ASXL2: variants seen among roughly 807,000 people sequenced by gnomAD.
ASXL2 encodes the protein putative Polycomb group protein ASXL2.
ASXL2 carries 23 observed loss-of-function variants against 122.0 expected under a neutral mutation model. That is an observed-to-expected ratio of 0.19 (90% CI 0.14 to 0.27). The LOEUF is 0.27. ASXL2 is among the 10% of genes least tolerant of loss of function. The probability of loss-of-function intolerance (pLI) is 1.00; values close to 1 mark genes in which losing one functional copy is unlikely to be tolerated. For missense variants in ASXL2, 1,518 were observed against 1,713.8 expected (o/e 0.89, Z 2.02); for synonymous variants, 650 against 637.0 (o/e 1.02, Z -0.31).
chr2:25,834,315 T>G (rs2089484661), intron 3 of ASXL2, among the ~76,000 whole-genome samples: 2 of 151,970 alleles, frequency 1.3e-5, no homozygotes, highest in Admixed American at 1.3e-4. Context: ...ACCATGCCAC[T>G]CCACTCCAGC....
At chr2:25,765,775 G>A (rs536738505) in intron 8 of ASXL2, among the ~76,000 whole-genome samples, 5 of 151,972 alleles carry the variant, frequency 3.3e-5, no homozygotes, top group African/African-American at 4.8e-5. Context: ...TAGAATATGC[G>A]CTCCATGAGG....
At chr2:25,768,516 C>T (rs2088391413) in intron 7 of ASXL2, among the ~76,000 whole-genome samples, 1 of 152,128 alleles carries the variant, frequency 6.6e-6, no homozygotes, top group Admixed American at 6.6e-5. Flanking sequence ...TTTGCCCAGG[C>T]TGGTCTTGAA....
At chr2:25,842,142 A>C (rs907418081) in intron 2 of ASXL2, among the ~76,000 whole-genome samples, 16 of 151,904 alleles carry the variant, frequency 1.1e-4, no homozygotes, top group African/African-American at 3.9e-4. Context: ...AAAAGAAAAG[A>C]ACACAGAACA....
intron 8 of ASXL2, among the ~76,000 whole-genome samples, chr2:25,763,262 G>A (rs867862018): frequency 8.6e-5 from 13 of 152,008 alleles, no homozygotes; most frequent in East Asian, 1.9e-4. Flanking sequence ...AGGCTGAGGC[G>A]GGCGGTATCA....
Position 25,740,291 on chromosome 2 carries a change from A to C in ASXL2, c.*1738T>G. ...TGTGTGATGTGGGGGTGGGGTGGGCAGTGGTGGGTAGTAGAATGGGGGCAA... is the reference window on the plus strand; with the variant it reads ...TGTGTGATGTGGGGGTGGGGTGGGCCGTGGTGGGTAGTAGAATGGGGGCAA... On this transcript the variant is annotated 3_prime_UTR_variant, in exon 13 of 13. Transcript: ENST00000435504. 4.8e-6 allele frequency: 1 copy of C among 207,868 alleles called. No individual in the cohort carries two copies. Among genetic ancestry groups the C allele is most frequent in the Non-Finnish European group, 9.8e-6 (1 of 102,364 alleles). The allele number at this position is 207,868 out of a possible 1,614,324, so 12.9% of individuals were successfully genotyped here.
At chr2:25,781,026 G>A (rs2088625677) in intron 5 of ASXL2, among the ~76,000 whole-genome samples, 1 of 145,196 alleles carries the variant, frequency 6.9e-6, no homozygotes, top group South Asian at 2.2e-4. Context: ...GGAGCTTACA[G>A]TGAGCCGAGA....
chr2:25,878,157 C>G lies in ASXL2; in HGVS notation c.57+9G>C. 1 of 1,613,896 alleles carries G rather than the reference C, an allele frequency of 6.2e-7. No individual in the cohort carries two copies. Among genetic ancestry groups the G allele is most frequent in the Non-Finnish European group, 8.5e-7 (1 of 1,179,836 alleles). On this transcript the variant is annotated intron_variant, in intron 1 of 12. Coordinates refer to ENST00000435504, the MANE Select transcript of ASXL2 (RefSeq NM_018263.6). The stretch of plus-strand genomic sequence containing the variant: ...CTCCCGGCCTTCCCCTTCGCTCCCT[C>G]CCCCTTACCGTCTTGGCGGCCTCCG...
chr2:25,863,714 C>CA (rs1431823508), intron 1 of ASXL2, among the ~76,000 whole-genome samples: 2 of 148,056 alleles, frequency 1.4e-5, no homozygotes, highest in African/African-American at 2.5e-5. Flanking sequence ...CAAAACAAAA[C>CA]AAAAAAACAG....
At chr2:25,811,619 A>C (rs765755464) in intron 3 of ASXL2, among the ~76,000 whole-genome samples, 2 of 152,210 alleles carry the variant, frequency 1.3e-5, no homozygotes, top group African/African-American at 4.8e-5. Context: ...AATAGTGGTT[A>C]TAAAAAGGCA....
At position 25,778,744 on chromosome 2, in the gene ASXL2, T is replaced by C. The variant is rs77758127; in HGVS notation, c.404-7204A>G. Among the ~76,000 whole-genome samples, 144 of 152,334 alleles carry C rather than the reference T, an allele frequency of 9.5e-4. No homozygotes were observed. The East Asian group carries it at 0.023, about 25-fold the overall frequency. On this transcript the variant is annotated intron_variant, in intron 5 of 12. Transcript: ENST00000435504. ...TGTCTTGGGAACATGGCTCCACCCA[T>C]ATGTGACAGCTTTTTTACAACCTGT...
chr2:25,803,149 G>C (rs112799952), intron 4 of ASXL2, among the ~76,000 whole-genome samples: 4,435 of 151,936 alleles, frequency 0.029, 197 homozygotes, highest in African/African-American at 0.094. Context: ...ATGAATGAAT[G>C]AATGAATGAA....
At chr2:25,871,298 GA>G (rs1417580343) in intron 1 of ASXL2, among the ~76,000 whole-genome samples, 5 of 152,062 alleles carry the variant, frequency 3.3e-5, no homozygotes, top group Non-Finnish European at 7.4e-5. Flanking sequence ...TAGAGGGGGG[GA>G]AAAATGTCCC....
intron 5 of ASXL2, among the ~76,000 whole-genome samples, chr2:25,784,108 G>A (rs1317227102): frequency 6.8e-6 from 1 of 147,772 alleles, no homozygotes; most frequent in Non-Finnish European, 1.5e-5. Flanking sequence ...TATAAAGTTA[G>A]CCAGGTGCGG....
intron 12 of ASXL2, among the ~76,000 whole-genome samples, chr2:25,748,548 T>C (rs2087981014): frequency 6.6e-6 from 1 of 151,862 alleles, no homozygotes; most frequent in African/African-American, 2.4e-5. Flanking sequence ...TTCTGGTAAG[T>C]GAATCTTTCC....
At chr2:25,807,310 C>G (rs1455739945) in intron 3 of ASXL2, among the ~76,000 whole-genome samples, 2 of 152,170 alleles carry the variant, frequency 1.3e-5, no homozygotes, top group East Asian at 3.8e-4. Context: ...GATTCTTAGT[C>G]TATCTAAGGA....
intron 8 of ASXL2, among the ~76,000 whole-genome samples, chr2:25,765,105 A>G (rs1021802996): frequency 6.6e-6 from 1 of 152,216 alleles, no homozygotes; most frequent in Admixed American, 6.5e-5. Flanking sequence ...AATGATACCA[A>G]TGTCAGCTAG....
chr2:25,864,566 CAT>C (rs1491157362), intron 1 of ASXL2, among the ~76,000 whole-genome samples: 1 of 151,860 alleles, frequency 6.6e-6, no homozygotes, highest in Non-Finnish European at 1.5e-5. Context: ...AAAGGAAGAA[CAT>C]GTTTTGAAAA....
Position 25,741,402 on chromosome 2 carries a change from G to C in ASXL2, c.*627C>G, listed in dbSNP as rs1373527643. On this transcript the variant is annotated 3_prime_UTR_variant, in exon 13 of 13. Transcript: ENST00000435504. ...TAGTACAGTAGAAGCCAAGAACCAAGTCAGGGCTTTCAGAGTCTGAAACAC... is the reference window on the plus strand; with the variant it reads ...TAGTACAGTAGAAGCCAAGAACCAACTCAGGGCTTTCAGAGTCTGAAACAC... The C allele has an allele frequency of 4.4e-6, 1 of 226,870 alleles. No homozygotes were observed. Among genetic ancestry groups the C allele is most frequent in the Admixed American group, 5.7e-5 (1 of 17,562 alleles). The allele number at this position is 226,870 out of a possible 1,614,324, so 14.1% of individuals were successfully genotyped here.
At chr2:25,766,060 A>G (rs2088344889) in intron 8 of ASXL2, among the ~76,000 whole-genome samples, 1 of 152,220 alleles carries the variant, frequency 6.6e-6, no homozygotes, top group Admixed American at 6.5e-5. Flanking sequence ...AGTCTGGAAT[A>G]TGTAAATGAA....
Sources: gnomAD v4.1 joint callset for allele counts (sites outside exome capture counted in the v4.1 genomes callset) on GRCh38, gnomAD v4.1.1 for gene constraint, MANE v1.5 for transcripts, NCBI Gene and HGNC (gene_info 2026-07-23, HGNC 2026-07-21) for gene names.